The following PCDHGA4 variants were observed in gnomAD, a reference collection of about 807,000 sequenced individuals.
PCDHGA4 encodes protocadherin gamma subfamily A, 4.
A neutral mutation model predicts 54.6 loss-of-function variants in PCDHGA4; 38 were observed. That is an observed-to-expected ratio of 0.70 (90% CI 0.54 to 0.91). The LOEUF (loss-of-function observed/expected upper bound fraction) is 0.91. Among genes scored for constraint, PCDHGA4 ranks in the 40% least tolerant of loss-of-function variants. The pLI is 0.00. For synonymous variants in PCDHGA4, 511 were observed against 512.9 expected (o/e 1.00, Z 0.05); for missense variants, 1,298 against 1,220.9 (o/e 1.06, Z -0.94).
chr5:141,493,289 C>A lies in PCDHGA4; in HGVS notation c.2515-1518C>A, dbSNP rs925045650. On this transcript the variant is annotated intron_variant, in intron 1 of 3. Coordinates refer to ENST00000571252, the MANE Select transcript of PCDHGA4 (RefSeq NM_018917.4). This position sits in a 1 kb window ranked among gnomAD's most constrained non-coding sequence, Gnocchi z 4.3. The stretch of plus-strand genomic sequence containing the variant: ...CTTCACAGAGGTCAAGTGACTTGCT[C>A]AAGTTCACAGAGCAAGTAAGAGAGA... 6.6e-6 allele frequency among the ~76,000 whole-genome samples: 1 copy of A among 152,176 alleles called. No individual in the cohort carries two copies. Among genetic ancestry groups the A allele is most frequent in the East Asian group, 1.9e-4 (1 of 5,194 alleles).
chr5:141,421,491 A>G (rs934861223), intron 1 of PCDHGA4: 8 of 1,614,102 alleles, frequency 5.0e-6, no homozygotes, highest in Non-Finnish European at 6.8e-6. Context: ...TGATCACGGC[A>G]GGCAGGATAG....
rs1386791249 is a variant in PCDHGA4 at position 141,511,417 on chromosome 5, G to A, written c.*244G>A. 1.2e-6 allele frequency: 1 copy of A among 835,942 alleles called. No homozygotes were observed. Among genetic ancestry groups the A allele is most frequent in the African/African-American group, 1.7e-5 (1 of 58,154 alleles). The allele number at this position is 835,942 out of a possible 1,614,324, so 51.8% of individuals were successfully genotyped here. A position where few individuals can be genotyped will look rare whatever the true frequency, so the allele number is the denominator to read the frequency against. The stretch of plus-strand genomic sequence containing the variant: ...CCATCCAATCAACTGCTGTACCCAT[G>A]GGGGTAGTGGGGTTACTGTAGACAC... On this transcript the variant is annotated 3_prime_UTR_variant, in exon 4 of 4. Transcript: ENST00000571252.
Position 141,355,635 on chromosome 5 carries a change from T to C in PCDHGA4, c.528T>C (p.Asn176=). The C allele has an allele frequency of 6.2e-7, 1 of 1,613,928 alleles. No individual in the cohort carries two copies. Among genetic ancestry groups the C allele is most frequent in the Non-Finnish European group, 8.5e-7 (1 of 1,179,870 alleles). ...AGAGGGAAATAAAAGTTGCTGAAAA[T>C]GAAAATCCTGGGGCAAGATTTCCTC... ...TEQREIKVAE[N]ENPGARFPLP... is the part of the protein sequence containing the mutation. Residue 176 remains asparagine (N), a synonymous_variant, in exon 1 of 4, where the codon AAT becomes AAC. Coordinates refer to ENST00000571252, the MANE Select transcript of PCDHGA4 (RefSeq NM_018917.4).
rs750109717 is a variant in PCDHGA4, at chr5:141,490,546, A to C, written c.2515-4261A>C. 1.9e-6 allele frequency: 3 copies of C among 1,614,110 alleles called. No individual in the cohort carries two copies. Among genetic ancestry groups the C allele is most frequent in the Non-Finnish European group, 2.5e-6 (3 of 1,180,036 alleles). On this transcript the variant is annotated intron_variant, in intron 1 of 3. Transcript: ENST00000571252. The surrounding 1 kb of genome is among the most constrained non-coding windows in gnomAD (Gnocchi z 5.4). ...CGATGCTGGTTCACCTTCCCTACAC[A>C]AACATCTCACCATCAGGCTCAACAT...
rs1321974739 is a variant in PCDHGA4, at chr5:141,432,755, G to A, written c.2515-62052G>A. The A allele has an allele frequency of 2.5e-6, 4 of 1,614,134 alleles. No individual in the cohort carries two copies. Among genetic ancestry groups the A allele is most frequent in the African/African-American group, 1.3e-5 (1 of 75,060 alleles). On this transcript the variant is annotated intron_variant, in intron 1 of 3. Coordinates refer to ENST00000571252, the MANE Select transcript of PCDHGA4 (RefSeq NM_018917.4). This position sits in a 1 kb window ranked among gnomAD's most constrained non-coding sequence, Gnocchi z 6.0. ...TGTCACGCTCACCGTGGCCGTGGCC[G>A]ACAGCATCCCCCAAGTCCTGGCGGA...
chr5:141,433,108 G>A (rs2097568903), intron 1 of PCDHGA4: 2 of 1,614,146 alleles, frequency 1.2e-6, no homozygotes, highest in East Asian at 2.2e-5. Context: ...TCAGCCAGGA[G>A]AGCTTTGAAA....
At position 141,485,291 on chromosome 5, in the gene PCDHGA4, C is replaced by A. The variant is rs114678203; in HGVS notation, c.2515-9516C>A. 436 of 1,614,150 alleles carry A rather than the reference C, an allele frequency of 2.7e-4. No homozygotes were observed. Among genetic ancestry groups the A allele is most frequent in the Middle Eastern group, 8.2e-4 (5 of 6,062 alleles). Reference sequence around the variant, plus strand: ...CCGCTACCCGGTCCCAGAGGAGTCACAGGAAGGGACTTTTGTAGGGAATGT... The same window carrying A: ...CCGCTACCCGGTCCCAGAGGAGTCAAAGGAAGGGACTTTTGTAGGGAATGT... On this transcript the variant is annotated intron_variant, in intron 1 of 3. Coordinates refer to ENST00000571252, the MANE Select transcript of PCDHGA4 (RefSeq NM_018917.4). The surrounding 1 kb of genome is among the most constrained non-coding windows in gnomAD (Gnocchi z 5.7).
intron 1 of PCDHGA4, among the ~76,000 whole-genome samples, chr5:141,368,452 C>T (rs75043959): frequency 0.049 from 7,512 of 151,972 alleles, 218 homozygotes; most frequent in Admixed American, 0.079. Flanking sequence ...ACAAACTCAC[C>T]GAATAGTGAA....
At chr5:141,427,984 C>A (rs754620535) in intron 1 of PCDHGA4, 6 of 1,597,376 alleles carry the variant, frequency 3.8e-6, no homozygotes, top group Non-Finnish European at 4.3e-6. Flanking sequence ...GCGCTGGGGC[C>A]CGATGGCTCC....
At chr5:141,377,774 A>T (rs1279958954) in intron 1 of PCDHGA4, 1 of 152,232 alleles carries the variant, frequency 6.6e-6, no homozygotes, top group Non-Finnish European at 1.5e-5. Context: ...TTGGTGTTAA[A>T]AGACCTGAAT....
chr5:141,422,795 A>G lies in PCDHGA4; in HGVS notation c.2514+65174A>G, dbSNP rs543001807. ...CTCTATGCCCTACAATCCTTCGACTATGAGCAGTTTCGAGACTTAGAACTG... is the reference window on the plus strand; with the variant it reads ...CTCTATGCCCTACAATCCTTCGACTGTGAGCAGTTTCGAGACTTAGAACTG... On this transcript the variant is annotated intron_variant, in intron 1 of 3. Transcript: ENST00000571252. 14 of 1,614,198 alleles carry G rather than the reference A, an allele frequency of 8.7e-6. No homozygotes were observed. In the East Asian group the frequency reaches 1.8e-4, roughly 21 times the overall value.
intron 1 of PCDHGA4, chr5:141,418,613 C>T (rs759701663): frequency 9.9e-6 from 16 of 1,613,892 alleles, no homozygotes; most frequent in Non-Finnish European, 1.4e-5. Context: ...GGTTAGCCTT[C>T]GGGAAGACGT....
rs148240637 is a variant in PCDHGA4, at chr5:141,383,750, T to A, written c.2514+26129T>A. On this transcript the variant is annotated intron_variant, in intron 1 of 3. Transcript: ENST00000571252. ...GAAGTGACATATTCTTTTCGGAAAA[T>A]AACTCCTAAACTTCCAAAGATGTTT... 1.9e-3 allele frequency: 3,008 copies of A among 1,613,910 alleles called. 48 individuals are homozygous for A. In the African/African-American group the frequency reaches 0.033, roughly 18 times the overall value.
intron 1 of PCDHGA4, among the ~76,000 whole-genome samples, chr5:141,402,311 A>G (rs1174114133): frequency 1.3e-5 from 2 of 152,022 alleles, no homozygotes; most frequent in Non-Finnish European, 2.9e-5. Flanking sequence ...ATACAATTAT[A>G]TATTTTACAT....
chr5:141,400,102 G>A (rs376189143), intron 1 of PCDHGA4: 2 of 1,614,084 alleles, frequency 1.2e-6, no homozygotes, highest in Non-Finnish European at 1.7e-6. Context: ...GCTGCACTTG[G>A]TCTTTGCTGA....
At chr5:141,412,931 T>A in intron 1 of PCDHGA4, 1 of 453,226 alleles carries the variant, frequency 2.2e-6, no homozygotes, top group Non-Finnish European at 3.9e-6. Context: ...CAGTAACTTC[T>A]TAGGACTCTG....
intron 1 of PCDHGA4, chr5:141,366,265 C>A: frequency 6.2e-7 from 1 of 1,613,684 alleles, no homozygotes; most frequent in Non-Finnish European, 8.5e-7. Context: ...TCGTGGTGGC[C>A]GTCGAAGACC....
chr5:141,442,697 G>C (rs1443734141), intron 1 of PCDHGA4, among the ~76,000 whole-genome samples: 2 of 152,258 alleles, frequency 1.3e-5, no homozygotes, highest in East Asian at 1.9e-4. Flanking sequence ...AGGCAGACAA[G>C]AGTATCAGAC....
intron 1 of PCDHGA4, chr5:141,405,033 T>TTGTGGC: frequency 6.2e-7 from 1 of 1,613,962 alleles, no homozygotes; most frequent in Non-Finnish European, 8.5e-7. Context: ...CTCTACCTCG[T>TTGTGGC]TGTGGCTGTG....
Sources: gnomAD v4.1 joint callset for allele counts (sites outside exome capture counted in the v4.1 genomes callset) on GRCh38, gnomAD v4.1.1 for gene constraint, Gnocchi (gnomAD v3.1) non-coding constraint, MANE v1.5 for transcripts, NCBI Gene and HGNC (gene_info 2026-07-23, HGNC 2026-07-21) for gene names.